PRRX1: variants seen among roughly 807,000 people sequenced by gnomAD.
PRRX1 encodes the protein paired mesoderm homeobox protein 1.
In PRRX1, 8 loss-of-function variants were observed where a neutral mutation model predicts 24.0. That is an observed-to-expected ratio of 0.33 (90% CI 0.20 to 0.60). The LOEUF (loss-of-function observed/expected upper bound fraction) is 0.60. Ranked by LOEUF, PRRX1 falls within the 20% of genes least tolerant of loss-of-function variation. The pLI is 0.82. For missense variants in PRRX1, 281 were observed against 322.4 expected (o/e 0.87, Z 0.98); for synonymous variants, 160 against 131.7 (o/e 1.22, Z -1.47).
chr1:170,677,471 A>C (rs915782163), intron 1 of PRRX1, among the ~76,000 whole-genome samples: 4 of 152,216 alleles, frequency 2.6e-5, no homozygotes, highest in Admixed American at 2.6e-4. Context: ...TTTCCACCCC[A>C]CAGCATCTCT....
chr1:170,707,799 CTTGGTTCAACATA>C (rs1356966934), intron 1 of PRRX1, among the ~76,000 whole-genome samples: 1 of 152,088 alleles, frequency 6.6e-6, no homozygotes, highest in African/African-American at 2.4e-5. Flanking sequence ...TGTCCTTGTT[CTTGGTTCAACATA>C]TTACTATCAA....
upstream of PRRX1, chr1:170,664,088 C>CCTCCCTCTCTCT: frequency 7.6e-6 from 5 of 661,374 alleles, no homozygotes; most frequent in Non-Finnish European, 1.1e-5. Flanking sequence ...CCTCTTCCTC[C>CCTCCCTCTCTCT]CTCTCTCTCT....
At chr1:170,663,479 G>A (rs1027306154), upstream of PRRX1, 7 of 2,008 alleles carry the variant, frequency 3.5e-3, no homozygotes, top group African/African-American at 5.0e-3. Flanking sequence ...GACTCTTGAA[G>A]CCTTTTTTTT....
intron 1 of PRRX1, among the ~76,000 whole-genome samples, chr1:170,672,293 C>T (rs1475956932): frequency 6.6e-6 from 1 of 152,178 alleles, no homozygotes; most frequent in Non-Finnish European, 1.5e-5. Flanking sequence ...CAAATCAAGG[C>T]ACGGTGAGAG....
Position 170,738,814 on chromosome 1 carries a change from C to T in PRRX1, c.*2628C>T, listed in dbSNP as rs576589132. 1 of 228,674 alleles carries T rather than the reference C, an allele frequency of 4.4e-6. No individual in the cohort carries two copies. The highest frequency in any genetic ancestry group is 8.7e-6 in the Non-Finnish European group (1 of 115,426). 14.2% of individuals were successfully genotyped at this position (228,674 alleles called of 1,614,324 possible). On this transcript the variant is annotated 3_prime_UTR_variant, in exon 4 of 4. Transcript: ENST00000239461. ...AACAGCAAAGCCTGAACCCATAAACCCAAATGATAGGTGAAGTTGGGTGGT... is the reference window on the plus strand; with the variant it reads ...AACAGCAAAGCCTGAACCCATAAACTCAAATGATAGGTGAAGTTGGGTGGT...
rs982386337 is a variant in PRRX1 at position 170,737,324 on chromosome 1, A to C, written c.*1138A>C. 1.3e-4 allele frequency: 24 copies of C among 190,646 alleles called. No homozygotes were observed. The highest frequency in any genetic ancestry group is 1.1e-3 in the Admixed American group (18 of 16,270). The allele number at this position is 190,646 out of a possible 1,614,324, so 11.8% of individuals were successfully genotyped here. On this transcript the variant is annotated 3_prime_UTR_variant, in exon 4 of 4. Transcript: ENST00000239461. ...CTTTTTCTACACGAAGTTTTCATTA[A>C]AGCCACAGAATAATTGATAGGGCAG...
At chr1:170,712,407 C>T (rs1382069872) in intron 1 of PRRX1, among the ~76,000 whole-genome samples, 1 of 152,116 alleles carries the variant, frequency 6.6e-6, no homozygotes, top group Non-Finnish European at 1.5e-5. Flanking sequence ...TTCTGTTATG[C>T]TCTCCATCAA....
chr1:170,682,308 A>G (rs1388182586), intron 1 of PRRX1, among the ~76,000 whole-genome samples: 1 of 151,900 alleles, frequency 6.6e-6, no homozygotes, highest in Non-Finnish European at 1.5e-5. Flanking sequence ...CCATGTTCTC[A>G]GTCACCCTTG....
intron 1 of PRRX1, among the ~76,000 whole-genome samples, chr1:170,681,558 T>C (rs940692703): frequency 2.7e-5 from 4 of 150,252 alleles, no homozygotes; most frequent in African/African-American, 9.8e-5. Context: ...AAATCTGAAG[T>C]CAATTACAGG....
At chr1:170,724,588 G>A (rs778492346) in intron 2 of PRRX1, among the ~76,000 whole-genome samples, 2 of 152,082 alleles carry the variant, frequency 1.3e-5, no homozygotes, top group African/African-American at 2.4e-5. Context: ...AATATCAGAT[G>A]GTTGTAAATG....
intron 1 of PRRX1, among the ~76,000 whole-genome samples, chr1:170,692,739 TCTCA>T (rs1223171555): frequency 1.4e-3 from 192 of 141,410 alleles, no homozygotes; most frequent in South Asian, 5.4e-3. Flanking sequence ...TCTCTCTCTC[TCTCA>T]CACACACACA....
At chr1:170,719,696 G>A (rs763105142) in intron 1 of PRRX1, 30 bp from the exon 2 acceptor site, 4 of 1,611,802 alleles carry the variant, frequency 2.5e-6, no homozygotes, top group Non-Finnish European at 2.5e-6. Flanking sequence ...AGTGAATTTG[G>A]CTTCTTTTCA....
At chr1:170,731,409 G>A (rs1655432742) in intron 3 of PRRX1, among the ~76,000 whole-genome samples, 1 of 152,100 alleles carries the variant, frequency 6.6e-6, no homozygotes, top group African/African-American at 2.4e-5. Context: ...TAAACATCTT[G>A]TCATCATTTG....
At chr1:170,700,865 T>C (rs769667560) in intron 1 of PRRX1, among the ~76,000 whole-genome samples, 1 of 152,170 alleles carries the variant, frequency 6.6e-6, no homozygotes, top group Non-Finnish European at 1.5e-5. Flanking sequence ...TCATCTTCTC[T>C]TCTTAAAGCT....
chr1:170,719,689 G>A (rs372451980), intron 1 of PRRX1, 37 bp from the exon 2 acceptor site: 167 of 1,607,790 alleles, frequency 1.0e-4, no homozygotes, highest in Non-Finnish European at 1.3e-4. Flanking sequence ...CTCCTACAGT[G>A]AATTTGGCTT....
At chr1:170,721,231 T>C (rs1655075322) in intron 2 of PRRX1, among the ~76,000 whole-genome samples, 1 of 152,244 alleles carries the variant, frequency 6.6e-6, no homozygotes, top group South Asian at 2.1e-4. Flanking sequence ...GTCTTCCATA[T>C]TGCCAGTAGC....
At chr1:170,697,725 AAT>A (rs1654218972) in intron 1 of PRRX1, among the ~76,000 whole-genome samples, 1 of 145,332 alleles carries the variant, frequency 6.9e-6, no homozygotes, top group African/African-American at 2.6e-5. Context: ...TAGATATATA[AAT>A]ATATACATAT....
intron 1 of PRRX1, among the ~76,000 whole-genome samples, chr1:170,674,204 TCA>T (rs1185500966): frequency 6.6e-6 from 1 of 151,682 alleles, no homozygotes; most frequent in African/African-American, 2.4e-5. Context: ...TCTCTCTCTG[TCA>T]CACACACACA....
chr1:170,724,935 T>C (rs2101921405), intron 2 of PRRX1, among the ~76,000 whole-genome samples: 1 of 152,340 alleles, frequency 6.6e-6, no homozygotes. Context: ...TTCCATTTGT[T>C]TGTGTCCTCT....
Sources: allele counts gnomAD v4.1 joint callset (sites outside exome capture counted in the v4.1 genomes callset), GRCh38; gene constraint gnomAD v4.1.1; transcripts MANE v1.5; gene names NCBI Gene and HGNC (gene_info 2026-07-23, HGNC 2026-07-21).